The following ATP11A variants were observed in gnomAD, a reference collection of about 807,000 sequenced individuals.
ATP11A encodes the protein phospholipid-transporting ATPase IH.
In ATP11A, 81 loss-of-function variants were observed where a neutral mutation model predicts 154.4. The observed-to-expected ratio is 0.52, with a 90% CI of 0.44 to 0.63. The LOEUF is 0.63. ATP11A is among the 30% of genes least tolerant of loss of function. ATP11A has a pLI of 0.00. For synonymous variants in ATP11A, 623 were observed against 585.9 expected (o/e 1.06, Z -0.91); for missense variants, 1,316 against 1,474.3 (o/e 0.89, Z 1.76).
At chr13:112,699,647 C>CT (rs1252210286) in intron 1 of ATP11A, among the ~76,000 whole-genome samples, 2 of 152,220 alleles carry the variant, frequency 1.3e-5, no homozygotes, top group African/African-American at 4.8e-5. Flanking sequence ...GTTACTTCTG[C>CT]TGAGTTGGAA....
chr13:112,751,530 CG>C (rs2076690096), intron 1 of ATP11A, among the ~76,000 whole-genome samples: 1 of 151,886 alleles, frequency 6.6e-6, no homozygotes, highest in Non-Finnish European at 1.5e-5. Flanking sequence ...TGTGGTGACG[CG>C]CACCTGTAAT....
At chr13:112,770,064 A>G (rs1263496955) in intron 1 of ATP11A, among the ~76,000 whole-genome samples, 2 of 152,214 alleles carry the variant, frequency 1.3e-5, no homozygotes, top group Non-Finnish European at 2.9e-5. Context: ...GTGGGCTCCA[A>G]GCGATGCTTT....
intron 1 of ATP11A, among the ~76,000 whole-genome samples, chr13:112,698,663 C>T (rs1265824400): frequency 6.6e-6 from 1 of 152,164 alleles, no homozygotes; most frequent in Non-Finnish European, 1.5e-5. Context: ...TGTGTGAACC[C>T]TTTGGGCAGA....
At chr13:112,781,185 C>G (rs2077490178) in intron 1 of ATP11A, among the ~76,000 whole-genome samples, 1 of 152,050 alleles carries the variant, frequency 6.6e-6, no homozygotes, top group South Asian at 2.1e-4. Context: ...CTACAGGCGC[C>G]CACATGCCCG....
chr13:112,734,273 AG>A (rs1162101026), intron 1 of ATP11A, among the ~76,000 whole-genome samples: 2 of 152,050 alleles, frequency 1.3e-5, no homozygotes, highest in Non-Finnish European at 2.9e-5. Context: ...AGGCAGGTGC[AG>A]GGGGCGGGGG....
At chr13:112,748,206 G>A (rs1327456620) in intron 1 of ATP11A, among the ~76,000 whole-genome samples, 1 of 152,208 alleles carries the variant, frequency 6.6e-6, no homozygotes, top group Non-Finnish European at 1.5e-5. Flanking sequence ...CTGGTCCCAA[G>A]CATTTTGGAT....
intron 2 of ATP11A, among the ~76,000 whole-genome samples, chr13:112,802,784 A>G (rs1233989735): frequency 1.3e-5 from 2 of 152,218 alleles, no homozygotes; most frequent in Non-Finnish European, 2.9e-5. Flanking sequence ...CTTCGTGAAG[A>G]TTAAAAACTT....
At chr13:112,728,518 G>T (rs1223540465) in intron 1 of ATP11A, among the ~76,000 whole-genome samples, 16 of 145,424 alleles carry the variant, frequency 1.1e-4, no homozygotes, top group African/African-American at 3.4e-4. Flanking sequence ...CAGTATCCAC[G>T]CGTGGAGGGG....
intron 1 of ATP11A, among the ~76,000 whole-genome samples, chr13:112,738,827 C>T (rs1891256161): frequency 6.6e-6 from 1 of 152,066 alleles, no homozygotes; most frequent in Non-Finnish European, 1.5e-5. Flanking sequence ...TACAGAGCCT[C>T]CCTTCTCGTG....
chr13:112,831,464 GCC>G lies in ATP11A; in HGVS notation c.1314_1315del (p.His439ArgfsTer18), dbSNP rs763678872. The G allele has an allele frequency of 6.2e-7, 1 of 1,614,180 alleles. No homozygotes were observed. The highest frequency in any genetic ancestry group is 8.5e-7 in the Non-Finnish European group (1 of 1,180,022). ...GCTGCATCGAAGGCCATGTCTACGT[GCC>G]CCACGTCATCTGCAACGGGCAGGTC... ...ECCIEGHVYV[P>X]HVICNGQVLP... is the part of the protein sequence containing the mutation. On this transcript the variant is annotated frameshift_variant, in exon 13 of 30. Transcript: ENST00000375645. LOFTEE classifies it high-confidence loss of function.
Position 112,875,942 on chromosome 13 carries a change from G to A in ATP11A, c.3327+1G>A. 6.2e-7 allele frequency: 1 copy of A among 1,607,628 alleles called. No individual in the cohort carries two copies. The highest frequency in any genetic ancestry group is 8.5e-7 in the Non-Finnish European group (1 of 1,178,142). The stretch of plus-strand genomic sequence containing the variant: ...GCCAACAGCAACAGAGAGAGTCCAG[G>A]TACGGAGTGTCCCCAGCCGGGGCGG... On this transcript the variant is annotated splice_donor_variant, in intron 28 of 29. Coordinates refer to ENST00000375645, the MANE Select transcript of ATP11A (RefSeq NM_015205.3). LOFTEE classifies it high-confidence loss of function. This position sits in a 1 kb window ranked among gnomAD's most constrained non-coding sequence, Gnocchi z 4.1.
intron 24 of ATP11A, chr13:112,860,616 G>T: frequency 1.7e-6 from 1 of 577,610 alleles, no homozygotes; most frequent in South Asian, 2.5e-5. Flanking sequence ...CTTGCTGGAT[G>T]GTTTATGCTG....
intron 1 of ATP11A, among the ~76,000 whole-genome samples, chr13:112,733,346 A>T (rs1371003176): frequency 6.6e-6 from 1 of 152,228 alleles, no homozygotes; most frequent in Non-Finnish European, 1.5e-5. Flanking sequence ...CAGATGCAGG[A>T]TCCGCAGTGG....
At chr13:112,808,135 A>G (rs1295886340) in intron 4 of ATP11A, among the ~76,000 whole-genome samples, 1 of 151,998 alleles carries the variant, frequency 6.6e-6, no homozygotes, top group Non-Finnish European at 1.5e-5. Flanking sequence ...CTGCCTCTCT[A>G]CACTGTGCAG....
intron 1 of ATP11A, among the ~76,000 whole-genome samples, chr13:112,772,867 G>A (rs1225322452): frequency 2.6e-5 from 4 of 152,212 alleles, no homozygotes; most frequent in Non-Finnish European, 4.4e-5. Flanking sequence ...GAGAAATTCC[G>A]CCTTGTCTTT....
At chr13:112,862,011 G>T (rs4377054) in intron 24 of ATP11A, among the ~76,000 whole-genome samples, 1 of 95,208 alleles carries the variant, frequency 1.1e-5, no homozygotes, top group African/African-American at 3.3e-5. Context: ...AGGTGTCACA[G>T]CAGGCGTAAG....
intron 1 of ATP11A, among the ~76,000 whole-genome samples, chr13:112,784,842 A>G (rs905906965): frequency 1.3e-5 from 2 of 152,086 alleles, no homozygotes; most frequent in African/African-American, 4.8e-5. Context: ...TCTTATGTAC[A>G]CGCCCTGAGC....
intron 25 of ATP11A, among the ~76,000 whole-genome samples, chr13:112,867,312 C>T (rs1216165604): frequency 6.6e-6 from 1 of 152,226 alleles, no homozygotes; most frequent in African/African-American, 2.4e-5. Context: ...CTGGGTCATA[C>T]CCGGACGTCC....
At chr13:112,787,724 C>T (rs12875309) in intron 2 of ATP11A, among the ~76,000 whole-genome samples, 116 of 129,886 alleles carry the variant, frequency 8.9e-4, no homozygotes, top group East Asian at 2.3e-3. Flanking sequence ...CCTACTTAAT[C>T]CACACCGGGT....
Sources: gnomAD v4.1 joint callset for allele counts (sites outside exome capture counted in the v4.1 genomes callset) on GRCh38, gnomAD v4.1.1 for gene constraint, Gnocchi (gnomAD v3.1) non-coding constraint, MANE v1.5 for transcripts, NCBI Gene and HGNC (gene_info 2026-07-23, HGNC 2026-07-21) for gene names.